The following TBX15 variants were observed in gnomAD, a reference collection of about 807,000 sequenced individuals.
The protein encoded by TBX15 is T-box transcription factor TBX15.
Under a neutral mutation model 53.9 loss-of-function variants are expected in TBX15, and 18 were observed. The observed-to-expected ratio is 0.33, with a 90% CI of 0.23 to 0.49. The LOEUF (loss-of-function observed/expected upper bound fraction) is 0.49. Among genes scored for constraint, TBX15 ranks in the 20% least tolerant of loss-of-function variants. TBX15 has a pLI of 0.98. For missense variants in TBX15, 692 were observed against 749.5 expected (o/e 0.92, Z 0.90); for synonymous variants, 295 against 278.0 (o/e 1.06, Z -0.61).
intron 1 of TBX15, among the ~76,000 whole-genome samples, chr1:118,985,627 TG>T (rs1438794831): frequency 6.6e-6 from 1 of 152,252 alleles, no homozygotes; most frequent in African/African-American, 2.4e-5. Flanking sequence ...CAGAGGGTGC[TG>T]GGCTTTCAGC....
In TBX15 at chr1:118,924,581, C is replaced by A. The variant is rs1655532428; in HGVS notation, c.693+65G>T. The A allele has an allele frequency of 8.1e-6, 13 of 1,597,990 alleles. No individual in the cohort carries two copies. In the South Asian group the frequency reaches 1.4e-4, roughly 18 times the overall value. ...TTTACCTATTTGAAAAAGACTGGGG[C>A]TAGCCAGCTCTAAAGCAAACAGAGG... On this transcript the variant is annotated intron_variant, in intron 4 of 7. Transcript: ENST00000369429.
chr1:118,936,839 GCA>G (rs1463630150), intron 1 of TBX15, among the ~76,000 whole-genome samples: 4 of 152,148 alleles, frequency 2.6e-5, no homozygotes, highest in Non-Finnish European at 2.9e-5. Context: ...AGGATGTCCA[GCA>G]CAGAAGACTA....
At chr1:118,904,797 A>G (rs1206798016) in intron 6 of TBX15, among the ~76,000 whole-genome samples, 1 of 152,214 alleles carries the variant, frequency 6.6e-6, no homozygotes, top group African/African-American at 2.4e-5. Flanking sequence ...GTAATGCTAA[A>G]ATCACATGAG....
At chr1:118,940,235 C>T (rs1456770127) in intron 1 of TBX15, among the ~76,000 whole-genome samples, 1 of 151,866 alleles carries the variant, frequency 6.6e-6, no homozygotes, top group African/African-American at 2.4e-5. Flanking sequence ...CCTGTTAGTA[C>T]AAGGGCAGTT....
chr1:118,884,528 G>A lies in TBX15; in HGVS notation c.*204C>T, dbSNP rs1390630534. 3.1e-6 allele frequency: 2 copies of A among 642,668 alleles called. No homozygotes were observed. Among genetic ancestry groups the A allele is most frequent in the African/African-American group, 1.8e-5 (1 of 54,070 alleles). The allele number at this position is 642,668 out of a possible 1,614,324, so 39.8% of individuals were successfully genotyped here. On this transcript the variant is annotated 3_prime_UTR_variant, in exon 8 of 8. Coordinates refer to ENST00000369429, the MANE Select transcript of TBX15 (RefSeq NM_001330677.2). ...GGGAAGGCAGAAGAATGGCCACTGA[G>A]TTGCGGATGATTCTATCGCAAGTAT...
chr1:118,964,034 T>G (rs764246777), intron 1 of TBX15, among the ~76,000 whole-genome samples: 17 of 152,150 alleles, frequency 1.1e-4, no homozygotes, highest in Admixed American at 1.0e-3. Context: ...AGCCAGCCAT[T>G]TAAGCCACCC....
At chr1:118,918,702 C>T (rs1261597147) in intron 5 of TBX15, among the ~76,000 whole-genome samples, 1 of 152,022 alleles carries the variant, frequency 6.6e-6, no homozygotes, top group Non-Finnish European at 1.5e-5. Flanking sequence ...GGGTGGTTGC[C>T]GACTTGCCAC....
intron 1 of TBX15, among the ~76,000 whole-genome samples, chr1:118,970,281 C>T (rs75976036): frequency 6.6e-6 from 1 of 152,322 alleles, no homozygotes; most frequent in African/African-American, 2.4e-5. Flanking sequence ...ACACCTGTCT[C>T]CACTTTGCGG....
chr1:118,988,175 T>G lies in TBX15; in HGVS notation c.-380A>C. 5.0e-6 allele frequency: 1 copy of G among 200,146 alleles called. No homozygotes were observed. The allele number at this position is 200,146 out of a possible 1,614,324, so 12.4% of individuals were successfully genotyped here. A position where few individuals can be genotyped will look rare whatever the true frequency, so the allele number is the denominator to read the frequency against. On this transcript the variant is annotated 5_prime_UTR_variant, in exon 1 of 8. Coordinates refer to ENST00000369429, the MANE Select transcript of TBX15 (RefSeq NM_001330677.2). Reference sequence around the variant, plus strand: ...TCTCTCTCTCTCTCTCTCTCTCCCCTCCCTCTCTTTTTCTCTCCTCCCCCT... The same window carrying G: ...TCTCTCTCTCTCTCTCTCTCTCCCCGCCCTCTCTTTTTCTCTCCTCCCCCT...
chr1:118,963,633 C>G (rs1484611129), intron 1 of TBX15, among the ~76,000 whole-genome samples: 1 of 152,224 alleles, frequency 6.6e-6, no homozygotes, highest in African/African-American at 2.4e-5. Context: ...TGAAAGCAGA[C>G]TGGGTCCCTG....
intron 1 of TBX15, among the ~76,000 whole-genome samples, chr1:118,970,328 C>G (rs111763608): frequency 6.6e-6 from 1 of 152,170 alleles, no homozygotes; most frequent in Non-Finnish European, 1.5e-5. Flanking sequence ...AACCACCACC[C>G]CTGCAGAACC....
chr1:118,920,540 T>C (rs1342592273), intron 5 of TBX15, among the ~76,000 whole-genome samples: 1 of 152,198 alleles, frequency 6.6e-6, no homozygotes, highest in Admixed American at 6.5e-5. Flanking sequence ...GAAATGTAGT[T>C]GGTCATTAGC....
At chr1:118,939,421 AAAAAAAAAAAAAAAAC>A (rs1553224312) in intron 1 of TBX15, among the ~76,000 whole-genome samples, 1,903 of 121,850 alleles carry the variant, frequency 0.016, 104 homozygotes, top group African/African-American at 0.053. Context: ...AAAAAAAAAA[AAAAAAAAAAAAAAAAC>A]AAAAACAGGA....
chr1:118,935,261 T>A (rs1655933023), intron 1 of TBX15, among the ~76,000 whole-genome samples: 1 of 152,160 alleles, frequency 6.6e-6, no homozygotes, highest in African/African-American at 2.4e-5. Context: ...TATAATAAAG[T>A]TATCTAAGTC....
At chr1:118,921,193 C>CA (rs1655414448) in intron 5 of TBX15, among the ~76,000 whole-genome samples, 11 of 151,442 alleles carry the variant, frequency 7.3e-5, no homozygotes, top group Admixed American at 5.9e-4. Context: ...AACAAACAAA[C>CA]AAAAAAATAA....
intron 1 of TBX15, among the ~76,000 whole-genome samples, chr1:118,979,668 G>C (rs558522314): frequency 1.3e-5 from 2 of 152,254 alleles, no homozygotes; most frequent in Admixed American, 1.3e-4. Context: ...TTTTTGGGGG[G>C]TGTCTTTCAC....
chr1:118,939,231 G>T (rs192590612), intron 1 of TBX15, among the ~76,000 whole-genome samples: 1 of 151,220 alleles, frequency 6.6e-6, no homozygotes, highest in African/African-American at 2.4e-5. Flanking sequence ...ACATGGCAAA[G>T]CCCTATCCCT....
chr1:118,908,762 TCACA>T (rs375863799), intron 6 of TBX15, among the ~76,000 whole-genome samples: 9 of 149,524 alleles, frequency 6.0e-5, no homozygotes, highest in Middle Eastern at 3.4e-3. Flanking sequence ...TCTCTCTCTC[TCACA>T]CACACACACA....
intron 1 of TBX15, among the ~76,000 whole-genome samples, chr1:118,969,231 G>A (rs1238552627): frequency 1.3e-5 from 2 of 152,144 alleles, no homozygotes; most frequent in African/African-American, 4.8e-5. Context: ...TCACTGAATA[G>A]GACCCATTTC....
Sources: gnomAD v4.1 joint callset for allele counts (sites outside exome capture counted in the v4.1 genomes callset) on GRCh38, gnomAD v4.1.1 for gene constraint, MANE v1.5 for transcripts, NCBI Gene and HGNC (gene_info 2026-07-23, HGNC 2026-07-21) for gene names.